Variants in NHEJ1 observed in about 807,000 individuals in gnomAD.
The protein encoded by NHEJ1 is non-homologous end-joining factor 1.
In NHEJ1, 22 loss-of-function variants were observed where a neutral mutation model predicts 39.4. The ratio of observed to expected loss-of-function variants is 0.56; its 90% CI spans 0.40 to 0.80. The LOEUF (loss-of-function observed/expected upper bound fraction) is 0.80, where lower values mean the gene tolerates loss of function less well. Among genes scored for constraint, NHEJ1 ranks in the 30% least tolerant of loss-of-function variants. The probability of loss-of-function intolerance (pLI) is 0.00; values close to 1 mark genes in which losing one functional copy is unlikely to be tolerated. For missense variants in NHEJ1, 329 were observed against 357.1 expected (o/e 0.92, Z 0.63); for synonymous variants, 154 against 135.6 (o/e 1.14, Z -0.94).
chr2:219,114,047 C>T (rs971073907), intron 5 of NHEJ1, among the ~76,000 whole-genome samples: 1 of 152,132 alleles, frequency 6.6e-6, no homozygotes, highest in African/African-American at 2.4e-5. Flanking sequence ...CAAGCATCTT[C>T]CAAAGCAAAA....
At chr2:219,157,819 A>T in intron 2 of NHEJ1, 135 bp from the exon 3 acceptor site, 3 of 765,114 alleles carry the variant, frequency 3.9e-6, no homozygotes, top group Non-Finnish European at 4.4e-6. Context: ...TAAAAACATC[A>T]CAAGGGGAAA....
chr2:219,099,654 A>C (rs979251958), intron 5 of NHEJ1, among the ~76,000 whole-genome samples: 1 of 152,142 alleles, frequency 6.6e-6, no homozygotes, highest in Non-Finnish European at 1.5e-5. Context: ...AGAAACCAGC[A>C]ATTAGAAATA....
chr2:219,105,887 T>C (rs1207710110), intron 5 of NHEJ1, among the ~76,000 whole-genome samples: 2 of 152,246 alleles, frequency 1.3e-5, no homozygotes, highest in African/African-American at 4.8e-5. Context: ...ATTCAGTATT[T>C]ACATGTCCAA....
In NHEJ1 at chr2:219,071,643, G is replaced by A. The variant is rs1483154394; in HGVS notation, c.*4738C>T. Among the ~76,000 whole-genome samples the A allele has an allele frequency of 6.6e-6, 1 of 152,212 alleles. No individual in the cohort carries two copies. The highest frequency in any genetic ancestry group is 1.9e-4 in the East Asian group (1 of 5,198). On this transcript the variant is annotated 3_prime_UTR_variant, in exon 8 of 8. Coordinates refer to ENST00000356853, the MANE Select transcript of NHEJ1 (RefSeq NM_024782.3). ...CCCAGAGTAAGGGCAGAGAGGAAGA[G>A]TGTGGCACTGCATGCTCCTTTAACT...
intron 3 of NHEJ1, among the ~76,000 whole-genome samples, chr2:219,153,176 ATAAG>A (rs1430010731): frequency 1.3e-5 from 2 of 152,346 alleles, no homozygotes; most frequent in Non-Finnish European, 2.9e-5. Flanking sequence ...AATGCTAAAC[ATAAG>A]TAATATTACA....
At chr2:219,095,669 GCCTAGGA>G (rs1307915862) in intron 5 of NHEJ1, among the ~76,000 whole-genome samples, 1 of 152,088 alleles carries the variant, frequency 6.6e-6, no homozygotes, top group Non-Finnish European at 1.5e-5. Flanking sequence ...ATTCTTAAGA[GCCTAGGA>G]TCTAGTTCAG....
Position 219,158,274 on chromosome 2 carries a change from G to A in NHEJ1, c.89C>T (p.Thr30Ile). 6.2e-7 allele frequency: 1 copy of A among 1,614,224 alleles called. No individual in the cohort carries two copies. The highest frequency in any genetic ancestry group is 8.5e-7 in the Non-Finnish European group (1 of 1,180,048). ...AACCAACAAGGCATAGCCCTGCTTG[G>A]TGATAAAAACCTTGGCCAAGAGGGA... ...ENSLLAKVFITKQGYALLVSD... is the reference protein window; with the variant it reads ...ENSLLAKVFIIKQGYALLVSD... Residue 30 changes from threonine to isoleucine, a missense_variant, in exon 2 of 8, where the codon ACC (threonine) becomes ATC (isoleucine). Transcript: ENST00000356853.
At chr2:219,080,634 T>C (rs1467306849) in intron 5 of NHEJ1, among the ~76,000 whole-genome samples, 3 of 140,604 alleles carry the variant, frequency 2.1e-5, no homozygotes, top group Admixed American at 7.1e-5. Context: ...TGCTAATATA[T>C]ATAAGCTTAT....
chr2:219,129,880 T>A (rs1949561234), intron 5 of NHEJ1, among the ~76,000 whole-genome samples: 1 of 152,098 alleles, frequency 6.6e-6, no homozygotes, highest in African/African-American at 2.4e-5. Flanking sequence ...TTTTTTATAG[T>A]CTGTTTACCA....
At position 219,073,937 on chromosome 2, in the gene NHEJ1, G is replaced by C. The variant is rs1948989042; in HGVS notation, c.*2444C>G. On this transcript the variant is annotated 3_prime_UTR_variant, in exon 8 of 8. Transcript: ENST00000356853. ...GCCTCAGGGAGGGGCCCAAGCCAGG[G>C]GGCAGGGCTGGAATACAGCCTGGCT... Among the ~76,000 whole-genome samples, 5 of 152,272 alleles carry C rather than the reference G, an allele frequency of 3.3e-5. No homozygotes were observed.
At chr2:219,146,644 G>A (rs1435302166) in intron 5 of NHEJ1, 36 bp downstream of exon 5, 5 of 1,540,454 alleles carry the variant, frequency 3.2e-6, no homozygotes, top group Non-Finnish European at 4.5e-6. Flanking sequence ...AGAGGAAGTA[G>A]GGCAAAGACA....
At chr2:219,130,659 G>A (rs750386526) in intron 5 of NHEJ1, among the ~76,000 whole-genome samples, 3 of 152,182 alleles carry the variant, frequency 2.0e-5, no homozygotes, top group South Asian at 4.1e-4. Flanking sequence ...CAAAGCCCCA[G>A]AATTGAAGGG....
chr2:219,105,442 C>G (rs976117913), intron 5 of NHEJ1, among the ~76,000 whole-genome samples: 8 of 152,288 alleles, frequency 5.3e-5, no homozygotes, highest in Admixed American at 2.6e-4. Context: ...CCTGCCACAT[C>G]CATTTTGACA....
intron 5 of NHEJ1, among the ~76,000 whole-genome samples, chr2:219,105,035 A>T (rs535781520): frequency 2.6e-5 from 4 of 152,280 alleles, no homozygotes; most frequent in African/African-American, 9.6e-5. Flanking sequence ...ACCAAGGTAA[A>T]CCTGATTATA....
intron 5 of NHEJ1, among the ~76,000 whole-genome samples, chr2:219,110,509 T>G (rs1574717982): frequency 2.8e-5 from 4 of 141,516 alleles, no homozygotes; most frequent in African/African-American, 2.6e-5. Flanking sequence ...GGCAACAGAG[T>G]GAGATGCTGC....
chr2:219,079,786 TCTC>T (rs1949046072), intron 5 of NHEJ1, among the ~76,000 whole-genome samples: 1 of 152,320 alleles, frequency 6.6e-6, no homozygotes, highest in East Asian at 1.9e-4. Context: ...AAGAGGGTTC[TCTC>T]CTCCATAGCC....
At chr2:219,133,945 G>A (rs370462635) in intron 5 of NHEJ1, among the ~76,000 whole-genome samples, 9 of 152,066 alleles carry the variant, frequency 5.9e-5, no homozygotes, top group African/African-American at 1.7e-4. Flanking sequence ...TTCCTTTTCC[G>A]CTGGTTTCTC....
rs762527238 is a variant in NHEJ1 at position 219,073,249 on chromosome 2, C to T, written c.*3132G>A. On this transcript the variant is annotated 3_prime_UTR_variant, in exon 8 of 8. Transcript: ENST00000356853. The stretch of plus-strand genomic sequence containing the variant: ...TTCGCCACCTTACACCATAGGAATT[C>T]GCTTCTCAGGAATCAGGGAAAGATG... Among the ~76,000 whole-genome samples, 6 of 152,194 alleles carry T rather than the reference C, an allele frequency of 3.9e-5. No homozygotes were observed. The highest frequency in any genetic ancestry group is 4.8e-5 in the African/African-American group (2 of 41,446).
chr2:219,152,370 C>A (rs1267151877), intron 3 of NHEJ1, among the ~76,000 whole-genome samples: 7 of 152,172 alleles, frequency 4.6e-5, no homozygotes, highest in Non-Finnish European at 1.0e-4. Flanking sequence ...AAGCTGGAGG[C>A]TAAAGCGGGA....
Sources: allele counts gnomAD v4.1 joint callset (sites outside exome capture counted in the v4.1 genomes callset), GRCh38; gene constraint gnomAD v4.1.1; transcripts MANE v1.5; gene names NCBI Gene and HGNC (gene_info 2026-07-23, HGNC 2026-07-21).